SAMD5: variants seen among roughly 807,000 people sequenced by gnomAD.
The protein encoded by SAMD5 is sterile alpha motif domain containing 5.
In SAMD5, 13 loss-of-function variants were observed where a neutral mutation model predicts 11.3. The ratio of observed to expected loss-of-function variants is 1.15; its 90% CI spans 0.75 to 1.83. The LOEUF is 1.83. SAMD5 is among the 40% of genes most tolerant of loss of function. SAMD5 has a pLI of 0.00. For missense variants in SAMD5, 255 were observed against 239.1 expected (o/e 1.07, Z -0.44); for synonymous variants, 129 against 111.3 (o/e 1.16, Z -1.00).
chr6:147,643,356 C>G (rs74301743), intron 1 of SAMD5, among the ~76,000 whole-genome samples: 39,040 of 151,724 alleles, frequency 0.26, 6,210 homozygotes, highest in Middle Eastern at 0.35. Flanking sequence ...AGATTTTTTC[C>G]CCTTAATTGT....
At chr6:147,612,010 G>A (rs1444329609) in intron 1 of SAMD5, among the ~76,000 whole-genome samples, 1 of 152,164 alleles carries the variant, frequency 6.6e-6, no homozygotes, top group Non-Finnish European at 1.5e-5. Context: ...CTCTGATTCT[G>A]CTTTCCTATA....
At chr6:147,932,374 G>A in the SAMD5 span, among the ~76,000 whole-genome samples, 1 of 152,152 alleles carries the variant, frequency 6.6e-6, no homozygotes, top group Non-Finnish European at 1.5e-5. Flanking sequence ...GGAGGACCCA[G>A]GAGTGTCAGC....
At chr6:147,829,672 A>C in the SAMD5 span, among the ~76,000 whole-genome samples, 1 of 152,150 alleles carries the variant, frequency 6.6e-6, no homozygotes, top group East Asian at 1.9e-4. Flanking sequence ...AACATTTCCC[A>C]GTGGTCCACC....
At position 147,567,041 on chromosome 6, in the gene SAMD5, A is replaced by G; in HGVS notation, c.*2585A>G. On this transcript the variant is annotated 3_prime_UTR_variant, in exon 2 of 2. Coordinates refer to ENST00000367474, the MANE Select transcript of SAMD5 (RefSeq NM_001030060.3). ...TATCTTGATTTACATTTCCTAGAGT[A>G]TTAAAAGAGATTAATTACAGACTTT... The G allele has an allele frequency of 5.4e-6, 5 of 928,030 alleles. No individual in the cohort carries two copies. The highest frequency in any genetic ancestry group is 1.0e-4 in the South Asian group (2 of 20,044). 57.5% of individuals were successfully genotyped at this position (928,030 alleles called of 1,614,324 possible). A position where few individuals can be genotyped will look rare whatever the true frequency, so the allele number is the denominator to read the frequency against.
chr6:147,730,074 CAAA>C (rs34624038), intron 1 of SAMD5: 1,267 of 303,616 alleles, frequency 4.2e-3, no homozygotes, highest in South Asian at 6.6e-3. Flanking sequence ...GACTCTGTCT[CAAA>C]AAAAAAAAAA....
At chr6:147,870,230 A>G in the SAMD5 span, among the ~76,000 whole-genome samples, 1 of 152,044 alleles carries the variant, frequency 6.6e-6, no homozygotes, top group Non-Finnish European at 1.5e-5. Flanking sequence ...CCTCCAGGGT[A>G]TGCATCTAGC....
intron 1 of SAMD5, among the ~76,000 whole-genome samples, chr6:147,550,919 C>T (rs1788761384): frequency 6.6e-6 from 1 of 152,042 alleles, no homozygotes; most frequent in South Asian, 2.1e-4. Flanking sequence ...TATATAAACC[C>T]TCCCATTATT....
chr6:147,541,844 C>G (rs1788609823), intron 1 of SAMD5, among the ~76,000 whole-genome samples: 1 of 152,196 alleles, frequency 6.6e-6, no homozygotes, highest in South Asian at 2.1e-4. Flanking sequence ...CAGGACTCTT[C>G]CTACTACTTA....
At chr6:147,585,634 A>G (rs1383687952) in intron 1 of SAMD5, among the ~76,000 whole-genome samples, 2 of 152,280 alleles carry the variant, frequency 1.3e-5, no homozygotes, top group African/African-American at 4.8e-5. Flanking sequence ...TGTTCCATAG[A>G]GTAGCAATTT....
the SAMD5 span, among the ~76,000 whole-genome samples, chr6:147,851,056 C>T: frequency 6.6e-5 from 10 of 151,364 alleles, no homozygotes; most frequent in African/African-American, 2.4e-4. Context: ...AAGGGATTCT[C>T]CTACCTCAGC....
the SAMD5 span, among the ~76,000 whole-genome samples, chr6:147,920,404 A>C: frequency 2.0e-5 from 3 of 152,274 alleles, no homozygotes; most frequent in South Asian, 4.1e-4. Context: ...TTAGCCACAG[A>C]CTGAAGGCTG....
intron 1 of SAMD5, among the ~76,000 whole-genome samples, chr6:147,548,435 T>A (rs1788718967): frequency 6.6e-6 from 1 of 152,232 alleles, no homozygotes; most frequent in East Asian, 1.9e-4. Context: ...GCTTCCCAAT[T>A]TGAATACAGA....
At chr6:147,894,324 A>G in the SAMD5 span, among the ~76,000 whole-genome samples, 12 of 152,184 alleles carry the variant, frequency 7.9e-5, no homozygotes, top group South Asian at 4.1e-4. Context: ...GGGTTTTACC[A>G]TGTTAGCCAG....
the SAMD5 span, among the ~76,000 whole-genome samples, chr6:147,784,901 A>G: frequency 2.8e-4 from 43 of 152,348 alleles, no homozygotes; most frequent in Non-Finnish European, 5.0e-4. Flanking sequence ...AGTGATAAAG[A>G]TAGTGAAAGC....
chr6:147,867,614 C>A, the SAMD5 span, among the ~76,000 whole-genome samples: 1 of 152,150 alleles, frequency 6.6e-6, no homozygotes, highest in Non-Finnish European at 1.5e-5. Flanking sequence ...TCAGCCGAGG[C>A]CAAGGGGTCT....
chr6:147,581,415 C>G (rs576270399), intron 1 of SAMD5, among the ~76,000 whole-genome samples: 1 of 152,178 alleles, frequency 6.6e-6, no homozygotes, highest in South Asian at 2.1e-4. Context: ...GCTAATTAAA[C>G]CACAGGAAAG....
intron 1 of SAMD5, among the ~76,000 whole-genome samples, chr6:147,700,284 G>C (rs764814689): frequency 1.3e-5 from 2 of 152,110 alleles, no homozygotes; most frequent in Non-Finnish European, 2.9e-5. Context: ...GGAATCACTG[G>C]TCTAGACTAA....
the SAMD5 span, among the ~76,000 whole-genome samples, chr6:147,801,825 T>C: frequency 6.6e-6 from 1 of 152,300 alleles, no homozygotes; most frequent in Non-Finnish European, 1.5e-5. Flanking sequence ...GTCAATTAAA[T>C]CTTTTTAATC....
chr6:147,509,289 G>T lies in SAMD5; in HGVS notation c.361G>T (p.Glu121Ter). 6.4e-7 allele frequency: 1 copy of T among 1,570,498 alleles called. No individual in the cohort carries two copies. Among genetic ancestry groups the T allele is most frequent in the Non-Finnish European group, 8.6e-7 (1 of 1,161,270 alleles). Reference protein sequence around the residue: ...RGHTTAPRSRELVSYPKLKLK... With the variant: ...RGHTTAPRSR ...CCACACGACCGCCCCCCGCAGCAGGGAGCTGGTGAGCTACCCCAAACTGAA... is the reference window on the plus strand; with the variant it reads ...CCACACGACCGCCCCCCGCAGCAGGTAGCTGGTGAGCTACCCCAAACTGAA... The change falls in exon 1 of 2, where the codon GAG (glutamate) becomes TAG (stop). Residue 121 changes from glutamate (E) to a stop codon, truncating the protein, a stop_gained. Coordinates refer to ENST00000367474, the MANE Select transcript of SAMD5 (RefSeq NM_001030060.3). LOFTEE classifies it high-confidence loss of function.
Sources: allele counts gnomAD v4.1 joint callset (sites outside exome capture counted in the v4.1 genomes callset), GRCh38; gene constraint gnomAD v4.1.1; transcripts MANE v1.5; gene names NCBI Gene and HGNC (gene_info 2026-07-23, HGNC 2026-07-21).